Variants in ILDR2 observed in about 807,000 individuals in gnomAD.
The protein encoded by ILDR2 is immunoglobulin like domain containing receptor 2.
Under a neutral mutation model 66.8 loss-of-function variants are expected in ILDR2, and 25 were observed. The observed-to-expected ratio is 0.37, with a 90% CI of 0.27 to 0.52. ILDR2 has a LOEUF of 0.52. Ranked by LOEUF, ILDR2 falls within the 20% of genes least tolerant of loss-of-function variation. The probability of loss-of-function intolerance (pLI) is 0.88; values close to 1 mark genes in which losing one functional copy is unlikely to be tolerated. For synonymous variants in ILDR2, 367 were observed against 357.2 expected, an observed-to-expected ratio of 1.03 and a Z score of -0.31; for missense variants, 827 against 876.8, an observed-to-expected ratio of 0.94 and a Z score of 0.72.
chr1:166,922,634 G>A lies in ILDR2; in HGVS notation c.1170C>T (p.Ala390=). The A allele has an allele frequency of 6.2e-7, 1 of 1,614,118 alleles. No individual in the cohort carries two copies. Among genetic ancestry groups the A allele is most frequent in the Non-Finnish European group, 8.5e-7 (1 of 1,180,026 alleles). The change falls in exon 8 of 10, where the codon GCC becomes GCT. Residue 390 remains alanine (A), a synonymous_variant. Transcript: ENST00000271417. ...GSSGASRGPS[A]MEYNKEDRES... ...CTCGATCCTCTTTGTTATACTCCAT[G>A]GCTGAGGGCCCGCGGCTTGCCCCAC...
intron 3 of ILDR2, among the ~76,000 whole-genome samples, chr1:166,953,048 A>T (rs1662075875): frequency 6.6e-6 from 1 of 152,196 alleles, no homozygotes; most frequent in African/African-American, 2.4e-5. Flanking sequence ...TCTGGTAGAC[A>T]CATATTGTTT....
At chr1:166,972,988 G>A (rs967675840) in intron 1 of ILDR2, among the ~76,000 whole-genome samples, 1 of 152,008 alleles carries the variant, frequency 6.6e-6, no homozygotes, top group Non-Finnish European at 1.5e-5. Context: ...CTCCCCAGCC[G>A]CCATTGTTTG....
chr1:166,927,017 C>T lies in ILDR2; in HGVS notation c.994+50G>A, dbSNP rs189252812. ...TGGTGACCCCCAAATCCCCTTTACA[C>T]ACTAACTCCTGCATAATGCACAGAT... On this transcript the variant is annotated intron_variant, in intron 7 of 9. Coordinates refer to ENST00000271417, the MANE Select transcript of ILDR2 (RefSeq NM_199351.3). The T allele has an allele frequency of 1.1e-3, 1,435 of 1,358,634 alleles. 1 individual carries two copies. The highest frequency in any genetic ancestry group is 1.4e-3 in the Non-Finnish European group (1,361 of 968,148). The allele number at this position is 1,358,634 out of a possible 1,614,324, so 84.2% of individuals were successfully genotyped here. A position where few individuals can be genotyped will look rare whatever the true frequency, so the allele number is the denominator to read the frequency against.
chr1:166,939,956 T>C (rs1661215246), intron 3 of ILDR2, among the ~76,000 whole-genome samples: 1 of 152,240 alleles, frequency 6.6e-6, no homozygotes, highest in African/African-American at 2.4e-5. Flanking sequence ...TTTTCATACA[T>C]CCATACACAG....
intron 6 of ILDR2, among the ~76,000 whole-genome samples, chr1:166,931,389 A>G (rs1660630929): frequency 6.6e-6 from 1 of 152,238 alleles, no homozygotes; most frequent in Non-Finnish European, 1.5e-5. Flanking sequence ...CCAAGGTGAC[A>G]GCAGCTCAGC....
At position 166,909,657 on chromosome 1, in the gene ILDR2, C is replaced by T. The variant is rs953814593; in HGVS notation, c.*9698G>A. 5 of 149,262 alleles carry T rather than the reference C, an allele frequency of 3.3e-5. No individual in the cohort carries two copies. Among genetic ancestry groups the T allele is most frequent in the Admixed American group, 6.7e-5 (1 of 14,962 alleles). 9.2% of individuals were successfully genotyped at this position (149,262 alleles called of 1,614,324 possible). A position where few individuals can be genotyped will look rare whatever the true frequency, so the allele number is the denominator to read the frequency against. On this transcript the variant is annotated 3_prime_UTR_variant, in exon 10 of 10. Transcript: ENST00000271417. ...TATATTAATGTCCATTATAATTTAA[C>T]TACATTCAGTTGAACAAAGCGTTTT... is the stretch of plus-strand genomic sequence containing the variant.
At chr1:166,932,925 C>G (rs1472012241) in intron 6 of ILDR2, among the ~76,000 whole-genome samples, 7 of 152,138 alleles carry the variant, frequency 4.6e-5, no homozygotes. Flanking sequence ...CTACATGGAA[C>G]ACTGGCATAA....
At chr1:166,948,486 G>A (rs931011986) in intron 3 of ILDR2, among the ~76,000 whole-genome samples, 5 of 152,096 alleles carry the variant, frequency 3.3e-5, no homozygotes, top group Admixed American at 6.6e-5. Flanking sequence ...CCTAATCCTT[G>A]TATTTAGGTT....
intron 1 of ILDR2, among the ~76,000 whole-genome samples, chr1:166,974,934 GAAC>G (rs1016472772): frequency 1.3e-5 from 2 of 152,094 alleles, no homozygotes; most frequent in Admixed American, 6.5e-5. Flanking sequence ...GCATTCGAAA[GAAC>G]AACCTCAGCG....
chr1:166,953,755 T>C (rs1278394817), intron 3 of ILDR2, among the ~76,000 whole-genome samples: 2 of 152,170 alleles, frequency 1.3e-5, no homozygotes, highest in African/African-American at 4.8e-5. Context: ...ATCAAGGGAG[T>C]CACATCAATC....
At position 166,918,856 on chromosome 1, in the gene ILDR2, G is replaced by A. The variant is rs1168903350; in HGVS notation, c.*499C>T. 1.2e-5 allele frequency: 2 copies of A among 168,370 alleles called. No homozygotes were observed. Among genetic ancestry groups the A allele is most frequent in the Non-Finnish European group, 2.5e-5 (2 of 79,036 alleles). The allele number at this position is 168,370 out of a possible 1,614,324, so 10.4% of individuals were successfully genotyped here. On this transcript the variant is annotated 3_prime_UTR_variant, in exon 10 of 10. Coordinates refer to ENST00000271417, the MANE Select transcript of ILDR2 (RefSeq NM_199351.3). ...TAACAACAGTCATTGACTAGTGACT[G>A]TAAAGTGATGGGGATAAAAGGTATA...
chr1:166,919,430 C>G, intron 9 of ILDR2, 40 bp from the exon 10 acceptor site: 1 of 1,578,364 alleles, frequency 6.3e-7, no homozygotes, highest in South Asian at 1.1e-5. Context: ...AAGCCACATG[C>G]TAGTTAAAGA....
At chr1:166,946,733 T>TC (rs1661635278) in intron 3 of ILDR2, among the ~76,000 whole-genome samples, 2 of 152,302 alleles carry the variant, frequency 1.3e-5, no homozygotes, top group African/African-American at 4.8e-5. Context: ...CCAGTTTTTT[T>TC]CCCAATATCT....
intron 7 of ILDR2, among the ~76,000 whole-genome samples, chr1:166,924,139 T>C (rs1297469423): frequency 1.3e-5 from 2 of 152,124 alleles, no homozygotes; most frequent in African/African-American, 4.8e-5. Context: ...AATTTTATCA[T>C]GCAATCAGTT....
At chr1:166,927,331 T>C in intron 6 of ILDR2, 151 bp from the exon 7 acceptor site, 1 of 584,822 alleles carries the variant, frequency 1.7e-6, no homozygotes, top group South Asian at 2.3e-5. Context: ...TTTATACATA[T>C]GGGACCATAT....
At chr1:166,929,404 T>C (rs1356723821) in intron 6 of ILDR2, among the ~76,000 whole-genome samples, 1 of 152,224 alleles carries the variant, frequency 6.6e-6, no homozygotes, top group African/African-American at 2.4e-5. Context: ...TATATTCTAG[T>C]TTGTTTCAAG....
At chr1:166,901,327 G>C (rs529560583) in intron 2 of ILDR2, among the ~76,000 whole-genome samples, 1 of 152,106 alleles carries the variant, frequency 6.6e-6, no homozygotes, top group African/African-American at 2.4e-5. Flanking sequence ...TAGGTCCCTC[G>C]GGGTTATTAC....
chr1:166,927,501 G>A (rs777356000), intron 6 of ILDR2, among the ~76,000 whole-genome samples: 5 of 152,118 alleles, frequency 3.3e-5, no homozygotes, highest in Middle Eastern at 3.2e-3. Flanking sequence ...GCGCTTTTGC[G>A]TTCCATTGGA....
At chr1:166,965,722 G>A (rs1006731285) in intron 1 of ILDR2, among the ~76,000 whole-genome samples, 23 of 149,350 alleles carry the variant, frequency 1.5e-4, no homozygotes, top group African/African-American at 5.4e-4. Context: ...ACAGGTGCGT[G>A]CCACCATGCC....
Sources: gnomAD v4.1 joint callset for allele counts (sites outside exome capture counted in the v4.1 genomes callset) on GRCh38, gnomAD v4.1.1 for gene constraint, MANE v1.5 for transcripts, NCBI Gene and HGNC (gene_info 2026-07-23, HGNC 2026-07-21) for gene names.